ST7: variants seen among roughly 807,000 people sequenced by gnomAD.
The protein encoded by ST7 is suppressor of tumorigenicity 7 protein.
In ST7, 28 loss-of-function variants were observed where a neutral mutation model predicts 78.7. The observed-to-expected ratio is 0.36, with a 90% CI of 0.26 to 0.49. The LOEUF (loss-of-function observed/expected upper bound fraction) is 0.49, where lower values mean the gene tolerates loss of function less well. Ranked by LOEUF, ST7 falls within the 20% of genes least tolerant of loss-of-function variation. The pLI is 0.99. For synonymous variants in ST7, 247 were observed against 249.6 expected, an observed-to-expected ratio of 0.99 and a Z score of 0.10; for missense variants, 418 against 696.0, an observed-to-expected ratio of 0.60 and a Z score of 4.49.
At chr7:117,018,516 A>G (rs1221890705) in intron 1 of ST7, among the ~76,000 whole-genome samples, 1 of 150,596 alleles carries the variant, frequency 6.6e-6, no homozygotes, top group Non-Finnish European at 1.5e-5. Flanking sequence ...GTTGGTTTCT[A>G]TTTTCCCTTC....
intron 10 of ST7, among the ~76,000 whole-genome samples, chr7:117,177,670 C>A (rs1808443698): frequency 6.6e-6 from 1 of 152,176 alleles, no homozygotes; most frequent in African/African-American, 2.4e-5. Context: ...TAGAACTTCC[C>A]AGTTGAATCA....
intron 2 of ST7, among the ~76,000 whole-genome samples, chr7:117,108,446 C>T (rs1182885783): frequency 6.6e-6 from 1 of 152,102 alleles, no homozygotes; most frequent in African/African-American, 2.4e-5. Flanking sequence ...TTTCATAGGT[C>T]TATATGCCTG....
intron 1 of ST7, chr7:117,098,841 A>C: frequency 7.7e-7 from 1 of 1,301,018 alleles, no homozygotes; most frequent in Non-Finnish European, 1.0e-6. Context: ...TTTTGATAAT[A>C]ATAAAAGTTT....
chr7:116,972,662 C>A, intron 1 of ST7: 1 of 1,114,264 alleles, frequency 9.0e-7, no homozygotes. Context: ...CTCTCATCAG[C>A]AGTTTTTTCC....
At chr7:117,095,508 G>A (rs181424094) in intron 1 of ST7, among the ~76,000 whole-genome samples, 2 of 152,280 alleles carry the variant, frequency 1.3e-5, no homozygotes, top group African/African-American at 4.8e-5. Flanking sequence ...AGAAGACTAT[G>A]CCAGGTGAAG....
chr7:116,962,556 CTA>C (rs1562979197), intron 1 of ST7, among the ~76,000 whole-genome samples: 1 of 152,082 alleles, frequency 6.6e-6, no homozygotes, highest in Non-Finnish European at 1.5e-5. Context: ...GAGCTTTTTT[CTA>C]TGTTTGTTGG....
chr7:117,181,968 G>A (rs956197649), intron 10 of ST7, among the ~76,000 whole-genome samples: 4 of 152,116 alleles, frequency 2.6e-5, no homozygotes, highest in East Asian at 1.9e-4. Context: ...GTACCATGGA[G>A]GAATATGGAT....
At chr7:117,165,124 G>A (rs1356161930) in intron 9 of ST7, among the ~76,000 whole-genome samples, 1 of 152,186 alleles carries the variant, frequency 6.6e-6, no homozygotes, top group African/African-American at 2.4e-5. Context: ...GTTTGACAAG[G>A]CTAGAATTTA....
At chr7:117,071,043 C>T (rs1031850657) in intron 1 of ST7, among the ~76,000 whole-genome samples, 8 of 151,912 alleles carry the variant, frequency 5.3e-5, no homozygotes, top group Non-Finnish European at 8.8e-5. Flanking sequence ...CACGGTGAAA[C>T]GCCCTCTCTA....
At chr7:117,199,715 G>A (rs1043441209) in intron 12 of ST7, among the ~76,000 whole-genome samples, 6 of 152,230 alleles carry the variant, frequency 3.9e-5, no homozygotes, top group Non-Finnish European at 7.3e-5. Context: ...AGAACATGAT[G>A]CGTGCTCTCA....
At chr7:117,126,705 T>C (rs953997465) in intron 3 of ST7, among the ~76,000 whole-genome samples, 9 of 151,698 alleles carry the variant, frequency 5.9e-5, no homozygotes, top group African/African-American at 2.2e-4. Context: ...GATGGAAGGT[T>C]TTAGTAGGGA....
At chr7:117,130,407 T>C in intron 4 of ST7, 84 bp from the exon 5 acceptor site, 1 of 978,010 alleles carries the variant, frequency 1.0e-6, no homozygotes, top group Non-Finnish European at 1.5e-6. Flanking sequence ...ATGGTCTATA[T>C]TTCAACGCCT....
At position 117,130,668 on chromosome 7, in the gene ST7, C is replaced by T. The variant is rs1804274008; in HGVS notation, c.565+62C>T. On this transcript the variant is annotated intron_variant, in intron 5 of 15. Transcript: ENST00000323984. ...CTTTTTGGCTTAAGTGTCAAGATTTCTGCTTTTAGAATATCCACTCTGTAA... is the reference window on the plus strand; with the variant it reads ...CTTTTTGGCTTAAGTGTCAAGATTTTTGCTTTTAGAATATCCACTCTGTAA... 4.8e-6 allele frequency: 6 copies of T among 1,247,980 alleles called. No individual in the cohort carries two copies. In the South Asian group the frequency reaches 6.4e-5, roughly 13 times the overall value. The allele number at this position is 1,247,980 out of a possible 1,614,324, so 77.3% of individuals were successfully genotyped here. A position where few individuals can be genotyped will look rare whatever the true frequency, so the allele number is the denominator to read the frequency against.
chr7:116,970,893 T>A (rs553917798), intron 1 of ST7, among the ~76,000 whole-genome samples: 1 of 152,222 alleles, frequency 6.6e-6, no homozygotes, highest in Non-Finnish European at 1.5e-5. Context: ...TTTTTTTTTA[T>A]TTTTTGGAGG....
At chr7:117,048,500 A>G (rs1797605318) in intron 1 of ST7, among the ~76,000 whole-genome samples, 2 of 152,144 alleles carry the variant, frequency 1.3e-5, no homozygotes, top group Non-Finnish European at 1.5e-5. Flanking sequence ...GGAAGCACTC[A>G]TCTTTATCCA....
At chr7:117,097,735 G>T (rs1031148083) in intron 1 of ST7, among the ~76,000 whole-genome samples, 5 of 147,698 alleles carry the variant, frequency 3.4e-5, no homozygotes, top group Non-Finnish European at 7.5e-5. Context: ...AAGCTGTAGG[G>T]GTGTTTTGTG....
At chr7:117,006,085 G>A (rs35901374) in intron 1 of ST7, among the ~76,000 whole-genome samples, 2,920 of 152,224 alleles carry the variant, frequency 0.019, 48 homozygotes, top group Non-Finnish European at 0.027. Context: ...CCTAAAGAAG[G>A]CTCCAAAGTG....
At chr7:117,200,832 TTTAAA>T (rs1441440376) in intron 12 of ST7, among the ~76,000 whole-genome samples, 1 of 121,752 alleles carries the variant, frequency 8.2e-6, no homozygotes, top group African/African-American at 2.9e-5. Context: ...TTTTTTTTTT[TTTAAA>T]AAAAAAAGAA....
At chr7:117,045,371 T>C (rs917155208) in intron 1 of ST7, among the ~76,000 whole-genome samples, 1 of 152,158 alleles carries the variant, frequency 6.6e-6, no homozygotes, top group African/African-American at 2.4e-5. Context: ...TCTAGTCACA[T>C]AGGCCTGCCT....
Sources: gnomAD v4.1 joint callset for allele counts (sites outside exome capture counted in the v4.1 genomes callset) on GRCh38, gnomAD v4.1.1 for gene constraint, MANE v1.5 for transcripts, NCBI Gene and HGNC (gene_info 2026-07-23, HGNC 2026-07-21) for gene names.